Variants in ATRNL1 observed in about 807,000 individuals in gnomAD.
ATRNL1 encodes the protein attractin like 1.
A neutral mutation model predicts 182.7 loss-of-function variants in ATRNL1; 95 were observed. The ratio of observed to expected loss-of-function variants is 0.52; its 90% CI spans 0.44 to 0.62. The LOEUF is 0.62. Ranked by LOEUF, ATRNL1 falls within the 20% of genes least tolerant of loss-of-function variation. The pLI, the probability that ATRNL1 is intolerant of heterozygous loss-of-function variation, is 0.00. For synonymous variants in ATRNL1, 576 were observed against 568.3 expected (o/e 1.01, Z -0.19); for missense variants, 1,471 against 1,679.5 (o/e 0.88, Z 2.17).
intron 9 of ATRNL1, among the ~76,000 whole-genome samples, chr10:115,229,087 A>G (rs1378838806): frequency 6.6e-6 from 1 of 152,008 alleles, no homozygotes; most frequent in East Asian, 1.9e-4. Context: ...ATATTTCTAC[A>G]GATATTAAAA....
Position 115,914,143 on chromosome 10 carries a change from C to T in ATRNL1, c.4019-30515C>T, listed in dbSNP as rs138832410. 7.5e-3 allele frequency among the ~76,000 whole-genome samples: 1,144 copies of T among 152,238 alleles called. 14 individuals carry two copies. The highest frequency in any genetic ancestry group is 0.026 in the African/African-American group (1,088 of 41,534). ...ACTTGGCACTTCTCTCTCCTGCCAC[C>T]ATGTGAAGAAGAACGTGTTTGCTTC... On this transcript the variant is annotated intron_variant, in intron 28 of 28. Transcript: ENST00000355044.
At chr10:115,491,332 G>A (rs756254039) in intron 24 of ATRNL1, among the ~76,000 whole-genome samples, 12 of 152,152 alleles carry the variant, frequency 7.9e-5, no homozygotes, top group Non-Finnish European at 1.6e-4. Flanking sequence ...GTCTGCTGAA[G>A]CTGCCCCCAC....
intron 9 of ATRNL1, among the ~76,000 whole-genome samples, chr10:115,230,923 A>AGAAAG (rs1849919502): frequency 1.3e-5 from 1 of 77,472 alleles, no homozygotes; most frequent in African/African-American, 4.8e-5. Flanking sequence ...GAGAGAGAGA[A>AGAAAG]AGAGAGAAAT....
intron 8 of ATRNL1, among the ~76,000 whole-genome samples, chr10:115,210,103 G>A (rs993956586): frequency 3.9e-5 from 6 of 151,958 alleles, no homozygotes; most frequent in Admixed American, 3.3e-4. Flanking sequence ...GAATTATGCC[G>A]ATTACTGGTA....
intron 28 of ATRNL1, among the ~76,000 whole-genome samples, chr10:115,925,232 C>T (rs1255204968): frequency 1.3e-5 from 2 of 151,974 alleles, no homozygotes; most frequent in Non-Finnish European, 2.9e-5. Flanking sequence ...ATTTGAATAC[C>T]CTTTATTTCT....
chr10:115,381,845 T>C (rs1858032159), intron 19 of ATRNL1, among the ~76,000 whole-genome samples: 1 of 152,086 alleles, frequency 6.6e-6, no homozygotes, highest in Admixed American at 6.6e-5. Flanking sequence ...TATTTAGGTG[T>C]CTTATGTATT....
At chr10:115,391,950 A>G (rs1052851202) in intron 19 of ATRNL1, among the ~76,000 whole-genome samples, 61 of 152,288 alleles carry the variant, frequency 4.0e-4, no homozygotes, top group African/African-American at 1.4e-3. Context: ...GTTAAATATT[A>G]TAAATGATTT....
At chr10:115,917,685 A>G (rs1165661638) in intron 28 of ATRNL1, among the ~76,000 whole-genome samples, 1 of 152,104 alleles carries the variant, frequency 6.6e-6, no homozygotes, top group Non-Finnish European at 1.5e-5. Flanking sequence ...TTTTGAAGGA[A>G]AAATTCTTGT....
chr10:115,347,211 A>G (rs1469670902), intron 19 of ATRNL1, among the ~76,000 whole-genome samples: 2 of 152,188 alleles, frequency 1.3e-5, no homozygotes, highest in Admixed American at 1.3e-4. Context: ...TAGAGTGAAT[A>G]ATAGATGCCT....
At chr10:115,908,636 T>A (rs1555115134) in intron 28 of ATRNL1, among the ~76,000 whole-genome samples, 1 of 152,182 alleles carries the variant, frequency 6.6e-6, no homozygotes, top group Non-Finnish European at 1.5e-5. Context: ...TGTGCATCCT[T>A]GAGGGGCCAT....
chr10:115,385,487 C>T (rs942750095), intron 19 of ATRNL1, among the ~76,000 whole-genome samples: 4 of 151,974 alleles, frequency 2.6e-5, no homozygotes, highest in African/African-American at 7.2e-5. Flanking sequence ...ATATGGATTG[C>T]GAATATTTCC....
At chr10:115,652,594 A>C (rs1211785281) in intron 26 of ATRNL1, among the ~76,000 whole-genome samples, 1 of 152,100 alleles carries the variant, frequency 6.6e-6, no homozygotes, top group Non-Finnish European at 1.5e-5. Context: ...TTTACTATTA[A>C]TAGCTAGTAA....
At chr10:115,318,015 T>G (rs1267134996) in intron 18 of ATRNL1, among the ~76,000 whole-genome samples, 1 of 152,182 alleles carries the variant, frequency 6.6e-6, no homozygotes, top group East Asian at 1.9e-4. Flanking sequence ...CCATTTAATA[T>G]GATATTGCTG....
In ATRNL1 at chr10:115,469,283, C is replaced by T. The variant is rs1554971632; in HGVS notation, c.3608C>T (p.Thr1203Ile). Residue 1203 changes from threonine to isoleucine, a missense_variant, in exon 24 of 29, where the codon ACA (threonine) becomes ATA (isoleucine). By Grantham distance (89) the Thr-to-Ile change is moderately conservative (BLOSUM62 -1). Around this residue, in one of 3 missense-constraint regions of ATRNL1, gnomAD observed 437 missense variants for 506.0 expected, o/e 0.86. Transcript: ENST00000355044. ...KFNFRSNPNITFYVYVSNFSW... is the reference protein window; with the variant it reads ...KFNFRSNPNIIFYVYVSNFSW... The stretch of plus-strand genomic sequence containing the variant: ...AACTTTAGAAGCAATCCTAACATTA[C>T]ATTCTATGTGTACGTCAGCAACTTT... The T allele has an allele frequency of 2.0e-6, 3 of 1,537,756 alleles. No homozygotes were observed. The highest frequency in any genetic ancestry group is 1.7e-6 in the Non-Finnish European group (2 of 1,144,710).
intron 27 of ATRNL1, among the ~76,000 whole-genome samples, chr10:115,735,060 T>G (rs1555065006): frequency 6.6e-6 from 1 of 152,210 alleles, no homozygotes; most frequent in African/African-American, 2.4e-5. Flanking sequence ...AATTAAACAT[T>G]ATTGTTGTTG....
chr10:115,441,446 A>G (rs1846675522), intron 21 of ATRNL1, among the ~76,000 whole-genome samples: 1 of 151,946 alleles, frequency 6.6e-6, no homozygotes, highest in Non-Finnish European at 1.5e-5. Flanking sequence ...CAGTTGAAAC[A>G]GTCTATTTCT....
At chr10:115,298,846 A>G (rs1007137566) in intron 15 of ATRNL1, among the ~76,000 whole-genome samples, 1 of 152,106 alleles carries the variant, frequency 6.6e-6, no homozygotes, top group Non-Finnish European at 1.5e-5. Flanking sequence ...ATCTATTGTC[A>G]TAACAAGAAT....
At chr10:115,904,384 C>T (rs1172568821) in intron 28 of ATRNL1, among the ~76,000 whole-genome samples, 1 of 152,180 alleles carries the variant, frequency 6.6e-6, no homozygotes, top group Non-Finnish European at 1.5e-5. Context: ...TGTTTTCCTC[C>T]TGCAGTGTGG....
At chr10:115,133,464 A>G (rs1429243128) in intron 5 of ATRNL1, among the ~76,000 whole-genome samples, 1 of 152,222 alleles carries the variant, frequency 6.6e-6, no homozygotes, top group Non-Finnish European at 1.5e-5. Flanking sequence ...CCATTACTTA[A>G]TGGTAAAGGG....
Sources: gnomAD v4.1 joint callset for allele counts (sites outside exome capture counted in the v4.1 genomes callset) on GRCh38, gnomAD v4.1.1 for gene constraint, gnomAD v4.1.1 regional missense constraint, MANE v1.5 for transcripts, NCBI Gene and HGNC (gene_info 2026-07-23, HGNC 2026-07-21) for gene names.